Variants in TTC23 observed in about 807,000 individuals in gnomAD.
TTC23 encodes the protein tetratricopeptide repeat domain 23.
Under a neutral mutation model 55.1 loss-of-function variants are expected in TTC23, and 58 were observed. The ratio of observed to expected loss-of-function variants is 1.05; its 90% CI spans 0.85 to 1.31. TTC23 has a LOEUF of 1.31. Among genes scored for constraint, TTC23 ranks in the 50% most tolerant of loss-of-function variants. The pLI is 0.00. For missense variants in TTC23, 516 were observed against 534.4 expected (o/e 0.97, Z 0.34); for synonymous variants, 203 against 199.9 (o/e 1.02, Z -0.13).
chr15:99,150,984 T>G (rs1478262745), intron 12 of TTC23, among the ~76,000 whole-genome samples: 1 of 151,078 alleles, frequency 6.6e-6, no homozygotes, highest in African/African-American at 2.4e-5. Flanking sequence ...GCCTATACTG[T>G]TTTTTTTTCA....
chr15:99,159,769 G>A (rs546646070), intron 11 of TTC23: 2 of 152,404 alleles, frequency 1.3e-5, no homozygotes, highest in East Asian at 3.9e-4. Context: ...GTGTTCAGTG[G>A]TCAGATCTGC....
Position 99,156,262 on chromosome 15 carries a change from G to A in TTC23, c.1029C>T (p.Ala343=). Residue 343 remains alanine, a synonymous_variant, in exon 12 of 14, where the codon GCC becomes GCT. Coordinates refer to ENST00000394132, the MANE Select transcript of TTC23 (RefSeq NM_001288615.3). Reference sequence around the variant, plus strand: ...TGAAATCGCCAAATGCTTCCACTTTGGCTTCCAGGGACTCTCTCAGGATCG... The same window carrying A: ...TGAAATCGCCAAATGCTTCCACTTTAGCTTCCAGGGACTCTCTCAGGATCG... ...ATSILRESLE[A]KVEAFGDFSP... is the part of the protein sequence containing the mutation. The A allele has an allele frequency of 6.2e-7, 1 of 1,614,194 alleles. No homozygotes were observed. The highest frequency in any genetic ancestry group is 2.2e-5 in the East Asian group (1 of 44,880).
chr15:99,171,878 G>A (rs1008950787), intron 10 of TTC23, among the ~76,000 whole-genome samples: 2 of 151,866 alleles, frequency 1.3e-5, no homozygotes, highest in East Asian at 1.9e-4. Flanking sequence ...CCTCTCAGTC[G>A]TCTTTTGCTT....
At chr15:99,211,875 A>C (rs1264395110) in intron 8 of TTC23, among the ~76,000 whole-genome samples, 1 of 151,996 alleles carries the variant, frequency 6.6e-6, no homozygotes, top group Middle Eastern at 3.2e-3. Context: ...TTTTGTTTTT[A>C]ATAGAGATGG....
chr15:99,157,012 A>G (rs1336268305), intron 11 of TTC23, among the ~76,000 whole-genome samples: 1 of 152,044 alleles, frequency 6.6e-6, no homozygotes, highest in Non-Finnish European at 1.5e-5. Flanking sequence ...AGATGGGTAA[A>G]ATTTTAATCC....
At chr15:99,229,100 C>T (rs2078724412) in intron 4 of TTC23, among the ~76,000 whole-genome samples, 1 of 143,530 alleles carries the variant, frequency 7.0e-6, no homozygotes, top group Non-Finnish European at 1.5e-5. Context: ...ATATAAAGTC[C>T]AGTAGAAATT....
chr15:99,238,465 G>T (rs1360484860), intron 3 of TTC23, among the ~76,000 whole-genome samples: 2 of 152,110 alleles, frequency 1.3e-5, no homozygotes, highest in African/African-American at 4.8e-5. Context: ...CTTCAGAAAT[G>T]GGAATCATTG....
At position 99,246,470 on chromosome 15, in the gene TTC23, C is replaced by A. The variant is rs1012139211; in HGVS notation, c.-430-960G>T. 2.6e-5 allele frequency among the ~76,000 whole-genome samples: 4 copies of A among 151,928 alleles called. 1 individual carries two copies. The highest frequency in any genetic ancestry group is 2.6e-4 in the Admixed American group (4 of 15,246). On this transcript the variant is annotated intron_variant, in intron 1 of 13. Coordinates refer to ENST00000394132, the MANE Select transcript of TTC23 (RefSeq NM_001288615.3). ...CTCTACTAAAAATACAAAAAATTAG[C>A]TGGGCATAGTAGTGGGCACCTGTAA...
rs144875619 is a variant in TTC23, at chr15:99,171,220, T to G, written c.865+3830A>C. Among the ~76,000 whole-genome samples the G allele has an allele frequency of 2.1e-3, 327 of 152,320 alleles. 1 individual carries two copies. Among genetic ancestry groups the G allele is most frequent in the African/African-American group, 7.6e-3 (316 of 41,570 alleles). On this transcript the variant is annotated intron_variant, in intron 10 of 13. Transcript: ENST00000394132. ...TTTCTTCCTAATAGCATCAGGATGA[T>G]AAACAGTTCAAGTGTCTTCTGGTTG... is the stretch of plus-strand genomic sequence containing the variant.
rs2067702607 is a variant in TTC23 at position 99,137,715 on chromosome 15, TGAAGA to T, written c.*290_*294del. ...TCCTGCACAGGGCGCACTGAACTGT[TGAAGA>T]GAAGTTTTTCAGCCACAGTAGTGCT... On this transcript the variant is annotated 3_prime_UTR_variant, in exon 14 of 14. Coordinates refer to ENST00000394132, the MANE Select transcript of TTC23 (RefSeq NM_001288615.3). 2 of 386,976 alleles carry T rather than the reference TGAAGA, an allele frequency of 5.2e-6. No individual in the cohort carries two copies. The highest frequency in any genetic ancestry group is 2.0e-5 in the African/African-American group (1 of 49,262). The allele number at this position is 386,976 out of a possible 1,614,324, so 24.0% of individuals were successfully genotyped here.
intron 12 of TTC23, among the ~76,000 whole-genome samples, chr15:99,153,783 G>A (rs1163018131): frequency 6.6e-6 from 1 of 152,154 alleles, no homozygotes; most frequent in Non-Finnish European, 1.5e-5. Flanking sequence ...TAAGGAAGTA[G>A]AGAATAGGAT....
At chr15:99,182,354 C>A (rs1423420896) in intron 9 of TTC23, among the ~76,000 whole-genome samples, 1 of 151,606 alleles carries the variant, frequency 6.6e-6, no homozygotes, top group East Asian at 1.9e-4. Flanking sequence ...TGGGCTCCAG[C>A]CACAATGGCC....
At chr15:99,173,807 A>T (rs560454272) in intron 10 of TTC23, among the ~76,000 whole-genome samples, 1 of 152,148 alleles carries the variant, frequency 6.6e-6, no homozygotes. Flanking sequence ...GCCATTTATA[A>T]CTATGCTTGC....
At chr15:99,140,875 T>A (rs556569678) in intron 12 of TTC23, 1 of 152,174 alleles carries the variant, frequency 6.6e-6, no homozygotes, top group Non-Finnish European at 1.5e-5. Context: ...TCAGAATACA[T>A]GAAGAATTCC....
At chr15:99,145,781 G>T (rs1435494342) in intron 12 of TTC23, among the ~76,000 whole-genome samples, 1 of 152,186 alleles carries the variant, frequency 6.6e-6, no homozygotes, top group Non-Finnish European at 1.5e-5. Flanking sequence ...AGAGGACTGA[G>T]GCACTGGTGG....
chr15:99,166,726 T>C (rs1489131190), intron 10 of TTC23, among the ~76,000 whole-genome samples: 1 of 152,152 alleles, frequency 6.6e-6, no homozygotes, highest in Non-Finnish European at 1.5e-5. Flanking sequence ...GGTTTTGTGC[T>C]TTTCCCATTT....
At chr15:99,224,105 A>G (rs2078185949) in intron 5 of TTC23, among the ~76,000 whole-genome samples, 1 of 152,224 alleles carries the variant, frequency 6.6e-6, no homozygotes, top group Non-Finnish European at 1.5e-5. Context: ...ACACAGCCAG[A>G]CAGTTGGCCA....
At chr15:99,138,221 C>T (rs2067763010) in intron 13 of TTC23, 94 bp from the exon 14 acceptor site, 3 of 1,504,258 alleles carry the variant, frequency 2.0e-6, no homozygotes, top group Admixed American at 3.9e-5. Flanking sequence ...TGCCCAGACC[C>T]ATTTATGAGA....
At chr15:99,250,024 G>A (rs370277540), upstream of TTC23, among the ~76,000 whole-genome samples, 1 of 151,866 alleles carries the variant, frequency 6.6e-6, no homozygotes, top group East Asian at 1.9e-4. Flanking sequence ...AAACTAAGAG[G>A]CTAACATTGT....
Sources: allele counts gnomAD v4.1 joint callset (sites outside exome capture counted in the v4.1 genomes callset), GRCh38; gene constraint gnomAD v4.1.1; transcripts MANE v1.5; gene names NCBI Gene and HGNC (gene_info 2026-07-23, HGNC 2026-07-21).